Variants in TYW1B observed in about 807,000 individuals in gnomAD.
TYW1B encodes the protein tRNA-yW synthesizing protein 1 homolog B, also known as S-adenosyl-L-methionine-dependent tRNA 4-demethylwyosine synthase TYW1B.
Under a neutral mutation model 86.9 loss-of-function variants are expected in TYW1B, and 73 were observed. The ratio of observed to expected loss-of-function variants is 0.84; its 90% CI spans 0.70 to 1.02. TYW1B has a LOEUF of 1.02. Ranked by LOEUF, TYW1B falls within the 50% of genes least tolerant of loss-of-function variation. The pLI, the probability that TYW1B is intolerant of heterozygous loss-of-function variation, is 0.00. For missense variants in TYW1B, 637 were observed against 827.4 expected (o/e 0.77, Z 2.82); for synonymous variants, 248 against 292.8 (o/e 0.85, Z 1.56).
At chr7:72,785,938 C>T (rs1258275975) in intron 6 of TYW1B, among the ~76,000 whole-genome samples, 1 of 151,990 alleles carries the variant, frequency 6.6e-6, no homozygotes, top group East Asian at 1.9e-4. Flanking sequence ...CATGGCGAGG[C>T]GCTGTCTCTA....
At chr7:72,639,903 T>G (rs1214462407) in intron 11 of TYW1B, among the ~76,000 whole-genome samples, 29 of 150,524 alleles carry the variant, frequency 1.9e-4, no homozygotes, top group Non-Finnish European at 3.8e-4. Context: ...TCATGTGAGG[T>G]TCAAACAATA....
intron 8 of TYW1B, among the ~76,000 whole-genome samples, chr7:72,743,818 T>G (rs1293056356): frequency 2.8e-5 from 4 of 140,558 alleles, no homozygotes; most frequent in Non-Finnish European, 4.5e-5. Flanking sequence ...CCCTCCACCC[T>G]GGGCAACAAG....
intron 12 of TYW1B, among the ~76,000 whole-genome samples, chr7:72,622,355 T>C (rs1392792111): frequency 6.6e-6 from 1 of 152,232 alleles, no homozygotes; most frequent in East Asian, 1.9e-4. Flanking sequence ...ATAAATGTGC[T>C]TAATGGAAAG....
At chr7:72,695,634 C>G (rs1187691157) in intron 10 of TYW1B, among the ~76,000 whole-genome samples, 2 of 152,106 alleles carry the variant, frequency 1.3e-5, no homozygotes, top group Non-Finnish European at 2.9e-5. Flanking sequence ...TCATTCTCAT[C>G]CAGGCTGGAG....
At chr7:72,635,720 G>A (rs528596077) in intron 11 of TYW1B, among the ~76,000 whole-genome samples, 199 of 152,242 alleles carry the variant, frequency 1.3e-3, no homozygotes, top group African/African-American at 4.5e-3. Flanking sequence ...TGCCTGATAT[G>A]GCATTGAATC....
Position 72,815,491 on chromosome 7 carries a change from C to CA in TYW1B, c.136-11dup, listed in dbSNP as rs199646023. The CA allele has an allele frequency of 5.6e-4, 880 of 1,576,182 alleles. 1 individual carries two copies. The Middle Eastern group carries it at 0.013, about 23-fold the overall frequency. ...GAACTGTTGCAAATCCCTAATAGGACAAAAAAAAACTTCAAATAAAGTCTT... is the reference window on the plus strand; with the variant it reads ...GAACTGTTGCAAATCCCTAATAGGACAAAAAAAAAACTTCAAATAAAGTCTT... On this transcript the variant is annotated splice_polypyrimidine_tract_variant and intron_variant, in intron 2 of 13. Coordinates refer to ENST00000620995, the MANE Select transcript of TYW1B (RefSeq NM_001145440.3).
At chr7:72,604,366 G>A (rs1811746167) in intron 13 of TYW1B, among the ~76,000 whole-genome samples, 1 of 152,104 alleles carries the variant, frequency 6.6e-6, no homozygotes, top group South Asian at 2.1e-4. Context: ...GGAAGCTGAG[G>A]CAGGAGAATT....
intron 13 of TYW1B, among the ~76,000 whole-genome samples, chr7:72,582,468 A>C (rs1482862810): frequency 1.3e-5 from 2 of 152,236 alleles, no homozygotes; most frequent in African/African-American, 4.8e-5. Context: ...TCTATATCCA[A>C]ATCAAATGCA....
intron 1 of TYW1B, 73 bp downstream of exon 1, chr7:72,827,999 G>A: frequency 1.2e-6 from 2 of 1,600,100 alleles, no homozygotes; most frequent in Admixed American, 1.7e-5. Flanking sequence ...ACGCCACTCC[G>A]CCCGGAGAGG....
chr7:72,625,000 A>G (rs577913726), intron 12 of TYW1B, among the ~76,000 whole-genome samples: 2 of 151,970 alleles, frequency 1.3e-5, no homozygotes, highest in East Asian at 3.9e-4. Flanking sequence ...CGGAGGTTGC[A>G]GTGAACCGAG....
At chr7:72,653,611 A>AATAATAATG (rs1813118748) in intron 11 of TYW1B, among the ~76,000 whole-genome samples, 1 of 120 alleles carries the variant, frequency 8.3e-3, no homozygotes, top group Admixed American at 0.083. Context: ...CGTCTCAAAA[A>AATAATAATG]ATAATAATAA....
intron 11 of TYW1B, among the ~76,000 whole-genome samples, chr7:72,683,909 G>A (rs1466223615): frequency 4.6e-5 from 7 of 152,118 alleles, no homozygotes; most frequent in East Asian, 1.9e-4. Flanking sequence ...GAACAAAACC[G>A]AAATGCTGGA....
At chr7:72,715,351 A>T (rs1786758806) in intron 9 of TYW1B, among the ~76,000 whole-genome samples, 1 of 152,168 alleles carries the variant, frequency 6.6e-6, no homozygotes, top group Non-Finnish European at 1.5e-5. Context: ...GTCTCTGGGG[A>T]GGGGCCTCGT....
At chr7:72,621,515 A>G (rs1554437974) in intron 12 of TYW1B, among the ~76,000 whole-genome samples, 1 of 152,188 alleles carries the variant, frequency 6.6e-6, no homozygotes, top group Non-Finnish European at 1.5e-5. Context: ...CCCACTCAGC[A>G]TCCTGTCTGC....
At chr7:72,681,818 C>A (rs1283428117) in intron 11 of TYW1B, among the ~76,000 whole-genome samples, 1 of 151,798 alleles carries the variant, frequency 6.6e-6, no homozygotes, top group Non-Finnish European at 1.5e-5. Context: ...ACCTCCTGAA[C>A]TCGTGATCCA....
chr7:72,637,383 A>C (rs1206514987), intron 11 of TYW1B, among the ~76,000 whole-genome samples: 3 of 151,666 alleles, frequency 2.0e-5, no homozygotes, highest in Non-Finnish European at 4.4e-5. Context: ...ATTTTCTAGG[A>C]ATTTGTGTAT....
At chr7:72,660,516 C>T (rs116411312) in intron 11 of TYW1B, among the ~76,000 whole-genome samples, 1 of 152,192 alleles carries the variant, frequency 6.6e-6, no homozygotes, top group Non-Finnish European at 1.5e-5. Flanking sequence ...TCTACCATTT[C>T]TGTTGAGAAA....
At chr7:72,664,339 T>C (rs1211242090) in intron 11 of TYW1B, among the ~76,000 whole-genome samples, 1 of 152,186 alleles carries the variant, frequency 6.6e-6, no homozygotes. Context: ...TGCTGTTTCT[T>C]AGATTTAATG....
intron 11 of TYW1B, among the ~76,000 whole-genome samples, chr7:72,694,098 T>C (rs1274548167): frequency 1.3e-5 from 2 of 152,152 alleles, no homozygotes; most frequent in African/African-American, 2.4e-5. Context: ...ACAGCTGGGA[T>C]AACAGGTGCA....
Sources: gnomAD v4.1 joint callset for allele counts (sites outside exome capture counted in the v4.1 genomes callset) on GRCh38, gnomAD v4.1.1 for gene constraint, MANE v1.5 for transcripts, NCBI Gene and HGNC (gene_info 2026-07-23, HGNC 2026-07-21) for gene names.